KCNJ6: variants seen among roughly 807,000 people sequenced by gnomAD.
The protein encoded by KCNJ6 is G protein-activated inward rectifier potassium channel 2.
In KCNJ6, 9 loss-of-function variants were observed where a neutral mutation model predicts 34.2. The observed-to-expected ratio is 0.26, with a 90% confidence interval of 0.16 to 0.46. The LOEUF is 0.46. Among genes scored for constraint, KCNJ6 ranks in the 20% least tolerant of loss-of-function variants. The probability of loss-of-function intolerance (pLI) is 1.00; values close to 1 mark genes in which losing one functional copy is unlikely to be tolerated. For missense variants in KCNJ6, 236 were observed against 531.3 expected (o/e 0.44, Z 5.46); for synonymous variants, 196 against 207.1 (o/e 0.95, Z 0.46).
At position 37,612,842 on chromosome 21, in the gene KCNJ6, G is replaced by A. The variant is rs2054247805; in HGVS notation, c.*12317C>T. The A allele has an allele frequency of 7.6e-6, 1 of 131,650 alleles. No individual in the cohort carries two copies. Among genetic ancestry groups the A allele is most frequent in the Non-Finnish European group, 1.7e-5 (1 of 58,446 alleles). 8.2% of individuals were successfully genotyped at this position (131,650 alleles called of 1,614,324 possible). ...ATGCAAAACTATACAACTCCTAGAA[G>A]GTAACATATAAGAGAAAACTTAGAT... On this transcript the variant is annotated 3_prime_UTR_variant, in exon 4 of 4. Transcript: ENST00000609713.
intron 1 of KCNJ6, among the ~76,000 whole-genome samples, chr21:37,913,886 C>T (rs2055879287): frequency 6.6e-6 from 1 of 152,058 alleles, no homozygotes. Context: ...TCCACAGCTC[C>T]CTTCTGCCAT....
At chr21:37,655,183 G>A (rs917787300) in intron 3 of KCNJ6, among the ~76,000 whole-genome samples, 1 of 16,156 alleles carries the variant, frequency 6.2e-5, no homozygotes, top group Non-Finnish European at 1.2e-4. Flanking sequence ...AGACATTTGT[G>A]TGTGTGTGTG....
chr21:37,739,568 G>A (rs1023944918), intron 2 of KCNJ6, among the ~76,000 whole-genome samples: 7 of 152,186 alleles, frequency 4.6e-5, no homozygotes, highest in Admixed American at 4.6e-4. Flanking sequence ...GCTGATAAAC[G>A]TGTGTAAATA....
chr21:37,676,550 G>A (rs1262358471), intron 3 of KCNJ6, among the ~76,000 whole-genome samples: 1 of 152,224 alleles, frequency 6.6e-6, no homozygotes. Flanking sequence ...CATTGGCCTG[G>A]GGGCTGTGCT....
At chr21:37,727,984 T>A (rs1265935281) in intron 2 of KCNJ6, among the ~76,000 whole-genome samples, 1 of 152,236 alleles carries the variant, frequency 6.6e-6, no homozygotes, top group Non-Finnish European at 1.5e-5. Flanking sequence ...AAGGCATATA[T>A]AAATGAGTAT....
At chr21:37,877,012 T>G (rs148366168) in intron 1 of KCNJ6, among the ~76,000 whole-genome samples, 1 of 152,216 alleles carries the variant, frequency 6.6e-6, no homozygotes, top group Non-Finnish European at 1.5e-5. Flanking sequence ...TTTTTATTAC[T>G]ATGAGTCATG....
intron 2 of KCNJ6, among the ~76,000 whole-genome samples, chr21:37,785,993 C>T (rs2055190977): frequency 6.6e-6 from 1 of 152,200 alleles, no homozygotes; most frequent in African/African-American, 2.4e-5. Flanking sequence ...TCGGAGCCTC[C>T]AGAGCTGTGA....
intron 1 of KCNJ6, among the ~76,000 whole-genome samples, chr21:37,889,477 T>C (rs1311444157): frequency 6.6e-6 from 1 of 152,054 alleles, no homozygotes; most frequent in Non-Finnish European, 1.5e-5. Flanking sequence ...GTGGGTGTGG[T>C]TCACCATTTT....
At chr21:37,762,496 G>A (rs1338552230) in intron 2 of KCNJ6, among the ~76,000 whole-genome samples, 1 of 152,242 alleles carries the variant, frequency 6.6e-6, no homozygotes, top group Non-Finnish European at 1.5e-5. Context: ...ATCCACAGGT[G>A]CTGGCCATGT....
At chr21:37,761,522 T>C (rs553745229) in intron 2 of KCNJ6, among the ~76,000 whole-genome samples, 1 of 151,138 alleles carries the variant, frequency 6.6e-6, no homozygotes, top group East Asian at 1.9e-4. Context: ...TGTATATTTG[T>C]GTGTGTGGTG....
chr21:37,859,915 G>A (rs946405359), intron 1 of KCNJ6, among the ~76,000 whole-genome samples: 5 of 152,056 alleles, frequency 3.3e-5, no homozygotes, highest in Admixed American at 6.6e-5. Context: ...GCTTCTTAGC[G>A]TATCTCCTGG....
chr21:37,655,221 GTGTGAGAGAGAGAGAGA>G (rs2054455935), intron 3 of KCNJ6, among the ~76,000 whole-genome samples: 6 of 18,880 alleles, frequency 3.2e-4, no homozygotes, highest in African/African-American at 4.9e-4. Context: ...GTGTGTGTGT[GTGTGAGAGAGAGAGAGA>G]GAGAGAGAGA....
chr21:37,882,349 G>C (rs1004352503), intron 1 of KCNJ6, among the ~76,000 whole-genome samples: 9 of 152,100 alleles, frequency 5.9e-5, no homozygotes, highest in Non-Finnish European at 1.3e-4. Flanking sequence ...TGGGGAGATG[G>C]GGCTGCTCTA....
intron 1 of KCNJ6, among the ~76,000 whole-genome samples, chr21:37,887,039 C>T (rs1202846397): frequency 6.6e-6 from 1 of 151,664 alleles, no homozygotes; most frequent in South Asian, 2.1e-4. Context: ...GCCCTTCCTT[C>T]CCTCTCCTAC....
At chr21:37,653,461 C>T (rs1485919366) in intron 3 of KCNJ6, among the ~76,000 whole-genome samples, 2 of 152,004 alleles carry the variant, frequency 1.3e-5, no homozygotes, top group Admixed American at 6.6e-5. Context: ...CATGCATTCT[C>T]TTTATGGGAA....
intron 3 of KCNJ6, among the ~76,000 whole-genome samples, chr21:37,640,552 G>A (rs1257765023): frequency 6.6e-6 from 1 of 152,232 alleles, no homozygotes. Flanking sequence ...TTGATCAATA[G>A]CGTTTGTCCC....
intron 2 of KCNJ6, among the ~76,000 whole-genome samples, chr21:37,786,576 T>C (rs965575410): frequency 7.9e-5 from 12 of 152,226 alleles, no homozygotes; most frequent in Non-Finnish European, 1.3e-4. Context: ...GCTACCCCGA[T>C]TGGTGGCCTC....
At position 37,607,484 on chromosome 21, in the gene KCNJ6, T is replaced by TATATA. The variant is rs35281433; in HGVS notation, c.*17674_*17675insTATAT. On this transcript the variant is annotated 3_prime_UTR_variant, in exon 4 of 4. Transcript: ENST00000609713. Reference sequence around the variant, plus strand: ...TAAAGATATATATATATATATATATTTTTTTTTTATTTTAAAAAAATTTGG... The same window carrying TATATA: ...TAAAGATATATATATATATATATATTATATATTTTTTTTATTTTAAAAAAATTTGG... 4.1e-3 allele frequency: 256 copies of TATATA among 62,168 alleles called. No individual in the cohort carries two copies. The highest frequency in any genetic ancestry group is 0.012 in the Admixed American group (74 of 6,040). 3.9% of individuals were successfully genotyped at this position (62,168 alleles called of 1,614,324 possible). A position where few individuals can be genotyped will look rare whatever the true frequency, so the allele number is the denominator to read the frequency against.
At chr21:37,672,640 T>C (rs1293114218) in intron 3 of KCNJ6, among the ~76,000 whole-genome samples, 2 of 152,170 alleles carry the variant, frequency 1.3e-5, no homozygotes. Flanking sequence ...TTATCAGCTA[T>C]GGTTGTTTCA....
Sources: allele counts gnomAD v4.1 joint callset (sites outside exome capture counted in the v4.1 genomes callset), GRCh38; gene constraint gnomAD v4.1.1; transcripts MANE v1.5; gene names NCBI Gene and HGNC (gene_info 2026-07-23, HGNC 2026-07-21).